The following MAPK10 variants were observed in gnomAD, a reference collection of about 807,000 sequenced individuals.
MAPK10 encodes JNK3 alpha protein kinase.
Under a neutral mutation model 59.3 loss-of-function variants are expected in MAPK10, and 25 were observed. That is an observed-to-expected ratio of 0.42 (90% CI 0.31 to 0.59). The LOEUF is 0.59. Among genes scored for constraint, MAPK10 ranks in the 20% least tolerant of loss-of-function variants. The pLI is 0.15. For synonymous variants in MAPK10, 190 were observed against 200.5 expected (o/e 0.95, Z 0.44); for missense variants, 351 against 568.9 (o/e 0.62, Z 3.90).
chr4:86,503,620 C>T (rs1303394317), intron 1 of MAPK10, among the ~76,000 whole-genome samples: 1 of 152,090 alleles, frequency 6.6e-6, no homozygotes, highest in African/African-American at 2.4e-5. Context: ...AATCTGTAGC[C>T]TGGATTTCTA....
At chr4:86,195,709 T>C (rs1378016036) in intron 2 of MAPK10, among the ~76,000 whole-genome samples, 1 of 152,206 alleles carries the variant, frequency 6.6e-6, no homozygotes, top group African/African-American at 2.4e-5. Flanking sequence ...CTCTGAATGC[T>C]ATCCCTCCCC....
At chr4:86,336,109 C>T (rs1721167741) in intron 2 of MAPK10, among the ~76,000 whole-genome samples, 1 of 152,020 alleles carries the variant, frequency 6.6e-6, no homozygotes, top group African/African-American at 2.4e-5. Flanking sequence ...GTATTAAAAT[C>T]AAATAGTAAA....
chr4:86,185,559 C>G (rs927616592), intron 3 of MAPK10, among the ~76,000 whole-genome samples: 1 of 152,078 alleles, frequency 6.6e-6, no homozygotes, highest in African/African-American at 2.4e-5. Context: ...GACATGATCT[C>G]AATTATTTTT....
Position 86,476,120 on chromosome 4 carries a change from A to T in MAPK10, c.-263+117790T>A, listed in dbSNP as rs183144670. Among the ~76,000 whole-genome samples the T allele has an allele frequency of 2.6e-5, 4 of 152,116 alleles. No homozygotes were observed. In the East Asian group the frequency reaches 7.7e-4, roughly 29 times the overall value. The stretch of plus-strand genomic sequence containing the variant: ...CCCTAGTCTGTTACCAATGTGACTT[A>T]TCCCAGATCCTCCTTCTTTCCTTCC... On this transcript the variant is annotated intron_variant, in intron 1 of 4. Coordinates refer to the MAPK10 transcript ENST00000502302.
At chr4:86,196,171 T>A (rs1382097676) in intron 2 of MAPK10, among the ~76,000 whole-genome samples, 3 of 152,188 alleles carry the variant, frequency 2.0e-5, no homozygotes, top group Admixed American at 2.0e-4. Context: ...TTGCACTAAT[T>A]TACACTCCCA....
intron 2 of MAPK10, among the ~76,000 whole-genome samples, chr4:86,333,455 G>C (rs941589407): frequency 5.3e-5 from 8 of 152,142 alleles, no homozygotes; most frequent in African/African-American, 1.9e-4. Context: ...CTCCCAGGAG[G>C]CCCTCAGCCT....
At chr4:86,188,155 G>T (rs2078749391) in intron 3 of MAPK10, among the ~76,000 whole-genome samples, 1 of 152,048 alleles carries the variant, frequency 6.6e-6, no homozygotes, top group African/African-American at 2.4e-5. Flanking sequence ...TTACTGATGG[G>T]CATTTGGTTT....
intron 2 of MAPK10, chr4:86,322,138 G>T (rs962515080): frequency 6.6e-6 from 1 of 152,116 alleles, no homozygotes; most frequent in Non-Finnish European, 1.5e-5. Flanking sequence ...CCCCAAATTA[G>T]TGCACATGTT....
rs1743750604 is a variant in MAPK10, at chr4:86,017,342, G to A, written c.1281C>T (p.Leu427=). The A allele has an allele frequency of 1.2e-6, 2 of 1,614,140 alleles. No individual in the cohort carries two copies. Among genetic ancestry groups the A allele is most frequent in the African/African-American group, 1.3e-5 (1 of 75,036 alleles). ...SGAAVNSSES[L]PPSSSVNDIS... The stretch of plus-strand genomic sequence containing the variant: ...TGTCATTGACAGACGAGGATGGAGG[G>A]AGACTCTCACTGCTGTTCACTGCTG... The change falls in exon 14 of 14, where the codon CTC becomes CTT. Residue 427 remains leucine (L), a synonymous_variant. Transcript: ENST00000641462. This position sits in a 1 kb window ranked among gnomAD's most constrained non-coding sequence, Gnocchi z 4.4.
intron 1 of MAPK10, among the ~76,000 whole-genome samples, chr4:86,580,432 G>C (rs1762185105): frequency 6.6e-6 from 1 of 152,010 alleles, no homozygotes; most frequent in Non-Finnish European, 1.5e-5. Context: ...CCAGGAGGCA[G>C]AGGTTGCAGT....
chr4:86,413,529 G>T (rs2149028529), intron 1 of MAPK10, among the ~76,000 whole-genome samples: 1 of 152,348 alleles, frequency 6.6e-6, no homozygotes, highest in East Asian at 1.9e-4. Flanking sequence ...AATCTAGAGA[G>T]ACAGTAGTCC....
At chr4:86,051,078 C>T (rs965669821) in intron 11 of MAPK10, among the ~76,000 whole-genome samples, 1 of 152,142 alleles carries the variant, frequency 6.6e-6, no homozygotes, top group Non-Finnish European at 1.5e-5. Context: ...TGTTGTTTTA[C>T]ATACATTATA....
intron 1 of MAPK10, among the ~76,000 whole-genome samples, chr4:86,428,769 A>T: frequency 6.6e-6 from 1 of 152,180 alleles, no homozygotes; most frequent in East Asian, 1.9e-4. Context: ...TTTAACACAA[A>T]TTCTCCTCAC....
At chr4:86,270,820 T>C (rs1402464594) in intron 2 of MAPK10, among the ~76,000 whole-genome samples, 1 of 152,142 alleles carries the variant, frequency 6.6e-6, no homozygotes, top group Non-Finnish European at 1.5e-5. Flanking sequence ...AATGATGTTT[T>C]TGAGATTCAT....
intron 9 of MAPK10, among the ~76,000 whole-genome samples, chr4:86,075,808 A>T (rs1450011514): frequency 6.6e-6 from 1 of 152,030 alleles, no homozygotes; most frequent in Non-Finnish European, 1.5e-5. Context: ...GCTGTCAGAC[A>T]GGGGCATTTA....
chr4:86,142,098 A>AGAAGTTAAT (rs1217426672), intron 4 of MAPK10, among the ~76,000 whole-genome samples: 2 of 152,204 alleles, frequency 1.3e-5, no homozygotes, highest in Non-Finnish European at 2.9e-5. Context: ...AACTGCACCA[A>AGAAGTTAAT]GAAGTTAATG....
chr4:86,471,124 C>T (rs1752619799), intron 1 of MAPK10, among the ~76,000 whole-genome samples: 1 of 151,784 alleles, frequency 6.6e-6, no homozygotes, highest in South Asian at 2.1e-4. Context: ...CAAAAATTAG[C>T]TGGGTGTGGT....
chr4:86,092,948 C>T (rs1339955296), intron 9 of MAPK10, among the ~76,000 whole-genome samples: 1 of 151,920 alleles, frequency 6.6e-6, no homozygotes, highest in Non-Finnish European at 1.5e-5. Flanking sequence ...GAGTCACTTT[C>T]CTTAGAAGAA....
intron 1 of MAPK10, chr4:86,429,952 C>T (rs1365301571): frequency 6.6e-6 from 1 of 151,822 alleles, no homozygotes; most frequent in Non-Finnish European, 1.5e-5. Flanking sequence ...GTAATATTAA[C>T]TTATTTCATA....
Sources: gnomAD v4.1 joint callset for allele counts (sites outside exome capture counted in the v4.1 genomes callset) on GRCh38, gnomAD v4.1.1 for gene constraint, Gnocchi (gnomAD v3.1) non-coding constraint, MANE v1.5 for transcripts, NCBI Gene and HGNC (gene_info 2026-07-23, HGNC 2026-07-21) for gene names.